PDGFD: variants seen among roughly 807,000 people sequenced by gnomAD.
PDGFD encodes the protein platelet derived growth factor D, also known as platelet-derived growth factor D.
Under a neutral mutation model 44.7 loss-of-function variants are expected in PDGFD, and 30 were observed. That is an observed-to-expected ratio of 0.67 (90% CI 0.50 to 0.91). The LOEUF (loss-of-function observed/expected upper bound fraction) is 0.91. Among genes scored for constraint, PDGFD ranks in the 40% least tolerant of loss-of-function variants. The probability of loss-of-function intolerance (pLI) is 0.00; values close to 1 mark genes in which losing one functional copy is unlikely to be tolerated. For missense variants in PDGFD, 445 were observed against 457.8 expected, an observed-to-expected ratio of 0.97 and a Z score of 0.25; for synonymous variants, 173 against 168.4, an observed-to-expected ratio of 1.03 and a Z score of -0.21.
chr11:104,155,220 G>T (rs1423746173), intron 1 of PDGFD, among the ~76,000 whole-genome samples: 1 of 152,052 alleles, frequency 6.6e-6, no homozygotes, highest in Non-Finnish European at 1.5e-5. Context: ...ACATACTTAA[G>T]GCAATACCAT....
At chr11:104,017,150 T>A (rs945629592) in intron 1 of PDGFD, among the ~76,000 whole-genome samples, 1 of 152,132 alleles carries the variant, frequency 6.6e-6, no homozygotes, top group African/African-American at 2.4e-5. Flanking sequence ...GAAGGTGCCA[T>A]CTATACATCA....
At chr11:103,999,781 G>A (rs575838085) in intron 2 of PDGFD, among the ~76,000 whole-genome samples, 36 of 152,294 alleles carry the variant, frequency 2.4e-4, no homozygotes, top group African/African-American at 7.9e-4. Context: ...GAAAAGGAGA[G>A]GACCTCCAGA....
At chr11:104,076,041 G>A (rs1196525687) in intron 1 of PDGFD, among the ~76,000 whole-genome samples, 1 of 152,174 alleles carries the variant, frequency 6.6e-6, no homozygotes, top group African/African-American at 2.4e-5. Context: ...CATGGGGCTG[G>A]TTCCTCCCAT....
At chr11:103,977,191 A>G (rs2134348734) in intron 3 of PDGFD, among the ~76,000 whole-genome samples, 1 of 152,256 alleles carries the variant, frequency 6.6e-6, no homozygotes, top group East Asian at 1.9e-4. Context: ...AAATTGAGGC[A>G]GTAATTAATA....
intron 6 of PDGFD, among the ~76,000 whole-genome samples, chr11:103,913,745 C>T (rs1319699485): frequency 6.6e-6 from 1 of 151,754 alleles, no homozygotes; most frequent in Non-Finnish European, 1.5e-5. Flanking sequence ...GCAAAATAGA[C>T]CACTAGACAG....
chr11:103,976,199 A>G (rs1390113205), intron 3 of PDGFD, among the ~76,000 whole-genome samples: 1 of 152,110 alleles, frequency 6.6e-6, no homozygotes, highest in Non-Finnish European at 1.5e-5. Context: ...TTGTCCTGGA[A>G]GAGGTCCTTC....
At chr11:103,925,549 G>C (rs576235173) in intron 6 of PDGFD, among the ~76,000 whole-genome samples, 1 of 151,420 alleles carries the variant, frequency 6.6e-6, no homozygotes, top group Admixed American at 6.6e-5. Flanking sequence ...TGAAAACTGA[G>C]TCAAAACTTT....
chr11:104,152,690 G>A (rs1862262597), intron 1 of PDGFD, among the ~76,000 whole-genome samples: 1 of 151,976 alleles, frequency 6.6e-6, no homozygotes, highest in African/African-American at 2.4e-5. Context: ...TTTTTTAAAA[G>A]ACAATTGAAA....
intron 3 of PDGFD, among the ~76,000 whole-genome samples, chr11:103,951,972 G>A (rs1269386169): frequency 6.6e-6 from 1 of 152,118 alleles, no homozygotes; most frequent in Non-Finnish European, 1.5e-5. Context: ...TGAGTTTTTA[G>A]TATATATTCC....
chr11:104,038,008 C>A, intron 1 of PDGFD: 1 of 1,609,562 alleles, frequency 6.2e-7, no homozygotes. Context: ...ACGAAAAGAG[C>A]ATTAAAGCAC....
chr11:104,073,140 T>G, intron 1 of PDGFD, among the ~76,000 whole-genome samples: 1 of 152,048 alleles, frequency 6.6e-6, no homozygotes, highest in Non-Finnish European at 1.5e-5. Flanking sequence ...ATTAGTTTTA[T>G]CCTCCAAAAT....
At chr11:104,145,023 C>A (rs1862143900) in intron 1 of PDGFD, among the ~76,000 whole-genome samples, 1 of 152,168 alleles carries the variant, frequency 6.6e-6, no homozygotes, top group Admixed American at 6.5e-5. Context: ...ACCATTTATT[C>A]AGTGCCATTT....
chr11:104,162,333 T>C (rs2119940413), intron 1 of PDGFD, among the ~76,000 whole-genome samples: 1 of 152,278 alleles, frequency 6.6e-6, no homozygotes, highest in East Asian at 1.9e-4. Context: ...TTACTCTATG[T>C]AGCTAAAAGG....
chr11:103,921,906 T>C (rs530381506), intron 6 of PDGFD, among the ~76,000 whole-genome samples: 15 of 99,322 alleles, frequency 1.5e-4, no homozygotes, highest in Non-Finnish European at 2.5e-4. Context: ...ATTTAGTTTC[T>C]ATTTGTGCTA....
chr11:103,922,210 T>C, intron 6 of PDGFD, among the ~76,000 whole-genome samples: 1 of 152,238 alleles, frequency 6.6e-6, no homozygotes, highest in East Asian at 1.9e-4. Context: ...GGAAATATCC[T>C]CTTCCTTCAT....
chr11:104,150,400 A>G (rs1862224204), intron 1 of PDGFD, among the ~76,000 whole-genome samples: 1 of 152,218 alleles, frequency 6.6e-6, no homozygotes, highest in Non-Finnish European at 1.5e-5. Flanking sequence ...TTTACTGGCC[A>G]ATGAACTTTA....
intron 5 of PDGFD, among the ~76,000 whole-genome samples, chr11:103,936,209 T>C (rs1858485502): frequency 6.6e-6 from 1 of 152,162 alleles, no homozygotes; most frequent in African/African-American, 2.4e-5. Context: ...ACCTCCTTAA[T>C]TTACAGAGAT....
At chr11:103,990,607 C>T (rs117884485) in intron 3 of PDGFD, among the ~76,000 whole-genome samples, 5,462 of 152,264 alleles carry the variant, frequency 0.036, 117 homozygotes, top group Admixed American at 0.061. Flanking sequence ...CCTTGTCTGG[C>T]TTACAGTAGG....
At chr11:104,149,207 CACTT>C (rs1862208485) in intron 1 of PDGFD, among the ~76,000 whole-genome samples, 1 of 152,080 alleles carries the variant, frequency 6.6e-6, no homozygotes, top group African/African-American at 2.4e-5. Flanking sequence ...AGTAAGTTCT[CACTT>C]AATGTCATCT....
Sources: gnomAD v4.1 joint callset for allele counts (sites outside exome capture counted in the v4.1 genomes callset) on GRCh38, gnomAD v4.1.1 for gene constraint, MANE v1.5 for transcripts, NCBI Gene and HGNC (gene_info 2026-07-23, HGNC 2026-07-21) for gene names.